The following DLGAP2 variants were observed in gnomAD, a reference collection of about 807,000 sequenced individuals.
The protein encoded by DLGAP2 is disks large-associated protein 2.
DLGAP2 carries 26 observed loss-of-function variants against 100.3 expected under a neutral mutation model. The observed-to-expected ratio is 0.26, with a 90% confidence interval of 0.19 to 0.36. The LOEUF (loss-of-function observed/expected upper bound fraction) is 0.36. DLGAP2 is among the 10% of genes least tolerant of loss of function. DLGAP2 has a pLI of 1.00. For synonymous variants in DLGAP2, 886 were observed against 630.1 expected, an observed-to-expected ratio of 1.41 and a Z score of -6.08; for missense variants, 1,858 against 1,453.2, an observed-to-expected ratio of 1.28 and a Z score of -4.53.
At position 1,314,024 on chromosome 8, in the gene DLGAP2, A is replaced by T. The variant is rs1800671722; in HGVS notation, c.106+55141A>T. On this transcript the variant is annotated intron_variant, in intron 3 of 14. Coordinates refer to ENST00000637795, the MANE Select transcript of DLGAP2 (RefSeq NM_001346810.2). ...ACTGTATGATACGAAACACGTGTTT[A>T]TTTGCTTTAGAATTCGTAGCAACAC... Among the ~76,000 whole-genome samples the T allele has an allele frequency of 1.3e-5, 2 of 152,180 alleles. 1 individual carries two copies. Among genetic ancestry groups the T allele is most frequent in the South Asian group, 4.1e-4 (2 of 4,830 alleles).
intron 2 of DLGAP2, among the ~76,000 whole-genome samples, chr8:1,087,541 T>TTC (rs535340470): frequency 1.4e-5 from 2 of 138,860 alleles, no homozygotes; most frequent in Admixed American, 7.8e-5. Context: ...TGACTCCTCT[T>TTC]TCTCTCTCTC....
chr8:772,845 A>G (rs1046182332), intron 1 of DLGAP2, among the ~76,000 whole-genome samples: 4 of 152,144 alleles, frequency 2.6e-5, no homozygotes, highest in Admixed American at 1.3e-4. Context: ...TGAACGGTGT[A>G]CATCAGAGGG....
chr8:1,254,337 C>A (rs1383588630), intron 2 of DLGAP2, among the ~76,000 whole-genome samples: 1 of 152,180 alleles, frequency 6.6e-6, no homozygotes, highest in African/African-American at 2.4e-5. Context: ...TGGTCTCCTC[C>A]ACGTGGGAGG....
intron 2 of DLGAP2, among the ~76,000 whole-genome samples, chr8:1,173,504 G>C (rs930063938): frequency 1.3e-5 from 2 of 152,226 alleles, no homozygotes; most frequent in Admixed American, 1.3e-4. Flanking sequence ...TACAGAGGCA[G>C]GCAGGCCTCC....
Position 1,702,195 on chromosome 8 carries a change from G to A in DLGAP2, c.*789G>A, listed in dbSNP as rs1799592858. On this transcript the variant is annotated 3_prime_UTR_variant, in exon 15 of 15. Coordinates refer to ENST00000637795, the MANE Select transcript of DLGAP2 (RefSeq NM_001346810.2). ...GCTGGGAGCTTAAAAGGAAAACAAT[G>A]TCCTTACTTGTAAACAGTTATTGTA... 6.6e-6 allele frequency: 1 copy of A among 151,988 alleles called. No individual in the cohort carries two copies. The highest frequency in any genetic ancestry group is 2.4e-5 in the African/African-American group (1 of 41,418). The allele number at this position is 151,988 out of a possible 1,614,324, so 9.4% of individuals were successfully genotyped here.
chr8:1,080,762 C>G (rs921183990), intron 2 of DLGAP2, among the ~76,000 whole-genome samples: 1 of 152,176 alleles, frequency 6.6e-6, no homozygotes, highest in Non-Finnish European at 1.5e-5. Flanking sequence ...GTCCTGTGCA[C>G]TAATATATTT....
chr8:1,091,403 C>CAAG, intron 2 of DLGAP2, among the ~76,000 whole-genome samples: 1 of 152,260 alleles, frequency 6.6e-6, no homozygotes, highest in Non-Finnish European at 1.5e-5. Flanking sequence ...CAGTGGATTC[C>CAAG]TTTTCTCAGT....
At chr8:979,825 AG>A (rs1800277797) in intron 2 of DLGAP2, among the ~76,000 whole-genome samples, 1 of 152,252 alleles carries the variant, frequency 6.6e-6, no homozygotes. Context: ...AAGTGAAAGA[AG>A]GGAAACATTT....
intron 1 of DLGAP2, among the ~76,000 whole-genome samples, chr8:766,592 A>G (rs953342214): frequency 2.0e-5 from 3 of 152,206 alleles, no homozygotes; most frequent in African/African-American, 4.8e-5. Flanking sequence ...TCATTCCACC[A>G]GCATTTCTCT....
At chr8:1,541,499 C>T (rs2130491761) in intron 4 of DLGAP2, among the ~76,000 whole-genome samples, 1 of 152,328 alleles carries the variant, frequency 6.6e-6, no homozygotes, top group South Asian at 2.1e-4. Context: ...GTCCTTTACA[C>T]ACTTCCTGGG....
chr8:1,620,175 C>T (rs1029618010), intron 6 of DLGAP2, among the ~76,000 whole-genome samples: 5 of 152,200 alleles, frequency 3.3e-5, no homozygotes, highest in African/African-American at 1.2e-4. Context: ...CATTTCTGCA[C>T]CCATATCCAC....
intron 1 of DLGAP2, among the ~76,000 whole-genome samples, chr8:881,678 C>CACAT (rs1563077096): frequency 3.2e-4 from 17 of 52,860 alleles, no homozygotes; most frequent in African/African-American, 9.4e-4. Context: ...CACACACACA[C>CACAT]ACACTTTTTT....
intron 4 of DLGAP2, among the ~76,000 whole-genome samples, chr8:1,509,300 C>T (rs953922587): frequency 1.3e-5 from 2 of 148,864 alleles, no homozygotes; most frequent in African/African-American, 2.5e-5. Context: ...CTCTGTGCTC[C>T]GGCCTGGCAA....
At chr8:1,219,298 G>A (rs1000680922) in intron 2 of DLGAP2, among the ~76,000 whole-genome samples, 1 of 152,066 alleles carries the variant, frequency 6.6e-6, no homozygotes, top group African/African-American at 2.4e-5. Context: ...TTCCTCTGAT[G>A]ACTAGTTTGT....
At chr8:1,503,849 C>T (rs1041572670) in intron 4 of DLGAP2, among the ~76,000 whole-genome samples, 1 of 152,138 alleles carries the variant, frequency 6.6e-6, no homozygotes, top group African/African-American at 2.4e-5. Context: ...GACCCTCAAA[C>T]ACGTGCCTGG....
chr8:1,071,282 T>C (rs903798476), intron 2 of DLGAP2, among the ~76,000 whole-genome samples: 1 of 152,184 alleles, frequency 6.6e-6, no homozygotes, highest in African/African-American at 2.4e-5. Flanking sequence ...TTCTTGTGGG[T>C]GAGAGGAATA....
At chr8:974,890 T>C (rs970754085) in intron 2 of DLGAP2, among the ~76,000 whole-genome samples, 2 of 151,996 alleles carry the variant, frequency 1.3e-5, no homozygotes, top group African/African-American at 4.8e-5. Context: ...AGAAATACTA[T>C]GAATGAGAAA....
At chr8:1,036,862 C>T (rs1170720838) in intron 2 of DLGAP2, among the ~76,000 whole-genome samples, 1 of 152,180 alleles carries the variant, frequency 6.6e-6, no homozygotes, top group Non-Finnish European at 1.5e-5. Context: ...ATGCCCTGCT[C>T]TTGATTTTAC....
At chr8:1,020,636 A>C (rs1158467600) in intron 2 of DLGAP2, among the ~76,000 whole-genome samples, 15 of 152,212 alleles carry the variant, frequency 9.9e-5, no homozygotes, top group Non-Finnish European at 1.5e-5. Context: ...TGGTGAGCAC[A>C]CTGGGACCTG....
Sources: gnomAD v4.1 joint callset for allele counts (sites outside exome capture counted in the v4.1 genomes callset) on GRCh38, gnomAD v4.1.1 for gene constraint, MANE v1.5 for transcripts, NCBI Gene and HGNC (gene_info 2026-07-23, HGNC 2026-07-21) for gene names.